Variants in EMILIN1 observed in about 807,000 individuals in gnomAD.
EMILIN1 encodes the protein elastin microfibril interfacer 1.
A neutral mutation model predicts 82.4 loss-of-function variants in EMILIN1; 49 were observed. The observed-to-expected ratio is 0.59, with a 90% CI of 0.47 to 0.75. The LOEUF (loss-of-function observed/expected upper bound fraction) is 0.75, where lower values mean the gene tolerates loss of function less well. EMILIN1 is among the 30% of genes least tolerant of loss of function. EMILIN1 has a pLI of 0.00. For synonymous variants in EMILIN1, 604 were observed against 602.2 expected (o/e 1.00, Z -0.04); for missense variants, 1,313 against 1,366.4 (o/e 0.96, Z 0.62).
intron 7 of EMILIN1, 113 bp from the exon 8 acceptor site, chr2:27,085,565 C>G (rs1028703362): frequency 2.1e-5 from 23 of 1,086,004 alleles, no homozygotes; most frequent in Non-Finnish European, 3.1e-5. Context: ...CAGTTCCCTG[C>G]CGCTCACATT....
intron 7 of EMILIN1, 71 bp from the exon 8 acceptor site, chr2:27,085,607 C>T (rs1359813086): frequency 1.4e-6 from 2 of 1,412,646 alleles, no homozygotes; most frequent in East Asian, 4.6e-5. Flanking sequence ...GAGGGTCCCT[C>T]CTCAGTCCAG....
chr2:27,085,670 G>C lies in EMILIN1; in HGVS notation c.2714-8G>C. 1 of 1,588,162 alleles carries C rather than the reference G, an allele frequency of 6.3e-7. No individual in the cohort carries two copies. ...CCTGGCCCCCCTGACTGCTATCCTTGTCCCCAGGCGTGTTCACAGCGCCAC... is the reference window on the plus strand; with the variant it reads ...CCTGGCCCCCCTGACTGCTATCCTTCTCCCCAGGCGTGTTCACAGCGCCAC... On this transcript the variant is annotated splice_region_variant and splice_polypyrimidine_tract_variant and intron_variant, in intron 7 of 7. Coordinates refer to ENST00000380320, the MANE Select transcript of EMILIN1 (RefSeq NM_007046.4).
Position 27,085,759 on chromosome 2 carries a change from T to A in EMILIN1, c.2795T>A (p.Val932Glu). Residue 932 changes from valine to glutamate, a missense_variant, in exon 8 of 8, where the codon GTG (valine) becomes GAG (glutamate). Transcript: ENST00000380320. ...CACCGGCACGAGAAAGTGGAGGCCG[T>A]GCTGTCCCGCTCCAACCAGGGCGTG... The part of the protein sequence containing the change: ...TGHRHEKVEA[V>E]LSRSNQGVAR... 1.2e-6 allele frequency: 2 copies of A among 1,612,650 alleles called. No individual in the cohort carries two copies. The highest frequency in any genetic ancestry group is 1.7e-6 in the Non-Finnish European group (2 of 1,179,756).
At chr2:27,080,092 G>A in intron 1 of EMILIN1, 59 bp from the exon 2 acceptor site, 5 of 1,598,210 alleles carry the variant, frequency 3.1e-6, no homozygotes, top group Non-Finnish European at 4.3e-6. Context: ...GTAGCCCCTG[G>A]GCCCTCCTCC....
rs1191393810 is a variant in EMILIN1 at position 27,082,764 on chromosome 2, C to T, written c.1193C>T (p.Pro398Leu). ...GCCGCGGGGCAGGGAGGCCACCCCC[C>T]AGGCTACACCAGCTTGGCCTCCCGC... ...GGAAGQGGHP[P>L]GYTSLASRLS... The change falls in exon 4 of 8, where the codon CCA becomes CTA. Residue 398 changes from proline to leucine, a missense_variant. Coordinates refer to ENST00000380320, the MANE Select transcript of EMILIN1 (RefSeq NM_007046.4). The T allele has an allele frequency of 1.3e-6, 2 of 1,539,374 alleles. No homozygotes were observed. The highest frequency in any genetic ancestry group is 2.7e-5 in the African/African-American group (2 of 73,516).
chr2:27,081,983 G>T, intron 3 of EMILIN1, 100 bp from the exon 4 acceptor site: 1 of 1,411,150 alleles, frequency 7.1e-7, no homozygotes. Flanking sequence ...AGGAGAGGCA[G>T]AGCCAGCCTG....
intron 5 of EMILIN1, among the ~76,000 whole-genome samples, 168 bp downstream of exon 5, chr2:27,084,699 T>C (rs1204121879): frequency 6.6e-6 from 1 of 152,238 alleles, no homozygotes; most frequent in Non-Finnish European, 1.5e-5. Flanking sequence ...GGAACTGTGA[T>C]AGTCACTGTG....
rs1422272337 is a variant in EMILIN1, at chr2:27,080,314, C to T, written c.290+44C>T. ...CAACGGGCCCTTGGTGGGAACTGGG[C>T]GAGGGCAGATGGTGGGTGGCTGACT... On this transcript the variant is annotated intron_variant, in intron 2 of 7. Coordinates refer to ENST00000380320, the MANE Select transcript of EMILIN1 (RefSeq NM_007046.4). 36 of 1,606,238 alleles carry T rather than the reference C, an allele frequency of 2.2e-5. No homozygotes were observed. Among genetic ancestry groups the T allele is most frequent in the African/African-American group, 9.4e-5 (7 of 74,776 alleles).
rs752245751 is a variant in EMILIN1 at position 27,079,062 on chromosome 2, C to T, written c.-4C>T. ...CTCTGAGGGCCACTGTGGAGCGCCC[C>T]GCCATGGCCCCCCGCACCCTCTGGA... On this transcript the variant is annotated 5_prime_UTR_variant, in exon 1 of 8. Coordinates refer to ENST00000380320, the MANE Select transcript of EMILIN1 (RefSeq NM_007046.4). The T allele has an allele frequency of 5.2e-6, 8 of 1,550,508 alleles. 1 individual carries two copies. Among genetic ancestry groups the T allele is most frequent in the Middle Eastern group, 1.8e-4 (1 of 5,588 alleles).
At chr2:27,081,416 G>A (rs1241032000) in intron 3 of EMILIN1, among the ~76,000 whole-genome samples, 1 of 152,152 alleles carries the variant, frequency 6.6e-6, no homozygotes, top group Non-Finnish European at 1.5e-5. Flanking sequence ...GCATGCAGCA[G>A]TTCCTGTGGC....
rs1669524108 is a variant in EMILIN1, at chr2:27,083,464, G to C, written c.1893G>C (p.Val631=). The change falls in exon 4 of 8, where the codon GTG becomes GTC. Residue 631 remains valine, a synonymous_variant. Coordinates refer to ENST00000380320, the MANE Select transcript of EMILIN1 (RefSeq NM_007046.4). ...GTGGGCCCCTGGACGGCTTCAGCGT[G>C]TTTGGGGGCAGCTCAGGCTCAGCCC... ...PSRGPLDGFS[V]FGGSSGSALQ... 3 of 1,613,034 alleles carry C rather than the reference G, an allele frequency of 1.9e-6. No individual in the cohort carries two copies. Among genetic ancestry groups the C allele is most frequent in the Non-Finnish European group, 2.5e-6 (3 of 1,179,776 alleles).
rs1025098049 is a variant in EMILIN1, at chr2:27,083,868, A to C, written c.2297A>C (p.Asn766Thr). 2 of 1,608,142 alleles carry C rather than the reference A, an allele frequency of 1.2e-6. No individual in the cohort carries two copies. Among genetic ancestry groups the C allele is most frequent in the Non-Finnish European group, 1.7e-6 (2 of 1,175,770 alleles). ...CTCTGGGCTGGGCTCCGGGAAACCA[A>C]CACCACCAGCCAGATGCAGGCAGCC... The part of the protein sequence containing the change: ...AGLWAGLRET[N>T]TTSQMQAALL... The change falls in exon 4 of 8, where the codon AAC (asparagine) becomes ACC (threonine). Residue 766 changes from asparagine to threonine, a missense_variant. Transcript: ENST00000380320.
In EMILIN1 at chr2:27,085,832, G is replaced by A. The variant is rs556877772; in HGVS notation, c.2868G>A (p.Lys956=). 2.5e-6 allele frequency: 4 copies of A among 1,611,264 alleles called. No homozygotes were observed. Among genetic ancestry groups the A allele is most frequent in the African/African-American group, 1.3e-5 (1 of 75,034 alleles). Residue 956 remains lysine (K), a synonymous_variant, in exon 8 of 8, where the codon AAG becomes AAA. Transcript: ENST00000380320. The part of the protein sequence containing the change: ...GGYEPEGLEN[K]PVAESQPSPG... Reference sequence around the variant, plus strand: ...ACGAGCCTGAGGGCCTGGAGAATAAGCCGGTGGCCGAGAGCCAGCCCAGCC... The same window carrying A: ...ACGAGCCTGAGGGCCTGGAGAATAAACCGGTGGCCGAGAGCCAGCCCAGCC...
chr2:27,080,241 G>C lies in EMILIN1; in HGVS notation c.261G>C (p.Trp87Cys). The C allele has an allele frequency of 6.2e-7, 1 of 1,614,136 alleles. No homozygotes were observed. Among genetic ancestry groups the C allele is most frequent in the East Asian group, 2.2e-5 (1 of 44,876 alleles). ...ETYVKYQPCA[W>C]GQPQCPQSIM... ...ATGTCAAGTACCAGCCTTGTGCCTG[G>C]GGCCAGCCCCAGTGTCCCCAAAGCA... Residue 87 changes from tryptophan to cysteine, a missense_variant, in exon 2 of 8, where the codon TGG becomes TGC. Coordinates refer to ENST00000380320, the MANE Select transcript of EMILIN1 (RefSeq NM_007046.4).
chr2:27,086,018 T>C lies in EMILIN1; in HGVS notation c.*3T>C. The C allele has an allele frequency of 2.1e-6, 3 of 1,435,524 alleles. No homozygotes were observed. Among genetic ancestry groups the C allele is most frequent in the Non-Finnish European group, 2.8e-6 (3 of 1,085,886 alleles). 88.9% of individuals were successfully genotyped at this position (1,435,524 alleles called of 1,614,324 possible). A position where few individuals can be genotyped will look rare whatever the true frequency, so the allele number is the denominator to read the frequency against. On this transcript the variant is annotated 3_prime_UTR_variant, in exon 8 of 8. Coordinates refer to ENST00000380320, the MANE Select transcript of EMILIN1 (RefSeq NM_007046.4). ...ACCCAGAGCTTGAACACGCGTAGAC[T>C]GGGGTCCCGCCCGACGTGTCTACGT...
chr2:27,082,513 G>A lies in EMILIN1; in HGVS notation c.942G>A (p.Arg314=). ...TGGCCGGGCTAGATGGCTTCCGCCGGCAGCAGCAGGAGGACAGGGAGCGGC... is the reference window on the plus strand; with the variant it reads ...TGGCCGGGCTAGATGGCTTCCGCCGACAGCAGCAGGAGGACAGGGAGCGGC... ...VCLAGLDGFR[R]QQQEDRERLR... is the part of the protein sequence containing the mutation. Residue 314 remains arginine (R), a synonymous_variant, in exon 4 of 8, where the codon CGG becomes CGA. Coordinates refer to ENST00000380320, the MANE Select transcript of EMILIN1 (RefSeq NM_007046.4). 1 of 1,545,562 alleles carries A rather than the reference G, an allele frequency of 6.5e-7. No homozygotes were observed. The highest frequency in any genetic ancestry group is 8.7e-7 in the Non-Finnish European group (1 of 1,145,728).
chr2:27,081,223 A>G lies in EMILIN1; in HGVS notation c.511+271A>G, dbSNP rs1572845532. Reference sequence around the variant, plus strand: ...AGACTGAGAAAAAGAAGGCCAAAAAAGAGAAGGTGCTCGCACACGCCCCAT... The same window carrying G: ...AGACTGAGAAAAAGAAGGCCAAAAAGGAGAAGGTGCTCGCACACGCCCCAT... On this transcript the variant is annotated intron_variant, in intron 3 of 7. Coordinates refer to ENST00000380320, the MANE Select transcript of EMILIN1 (RefSeq NM_007046.4). Among the ~76,000 whole-genome samples the G allele has an allele frequency of 3.3e-5, 5 of 152,242 alleles. No homozygotes were observed. The East Asian group carries it at 5.8e-4, about 18-fold the overall frequency.
chr2:27,078,838 G>A lies in EMILIN1; in HGVS notation c.-228G>A, dbSNP rs1669422139. 11 of 470,898 alleles carry A rather than the reference G, an allele frequency of 2.3e-5. No individual in the cohort carries two copies. The South Asian group carries it at 2.9e-4, about 12-fold the overall frequency. The allele number at this position is 470,898 out of a possible 1,614,324, so 29.2% of individuals were successfully genotyped here. ...CCCCCTCAGAAGTGAAGAGGAGAGC[G>A]GAAGGAACCGAGAGGGGACGGACAG... On this transcript the variant is annotated 5_prime_UTR_variant, in exon 1 of 8. Transcript: ENST00000380320.
intron 3 of EMILIN1, among the ~76,000 whole-genome samples, chr2:27,081,454 C>T (rs568559485): frequency 1.7e-4 from 26 of 152,162 alleles, no homozygotes; most frequent in Admixed American, 1.6e-3. Context: ...TGCTGCACAC[C>T]GGATGTGCTG....
Sources: allele counts gnomAD v4.1 joint callset (sites outside exome capture counted in the v4.1 genomes callset), GRCh38; gene constraint gnomAD v4.1.1; transcripts MANE v1.5; gene names NCBI Gene and HGNC (gene_info 2026-07-23, HGNC 2026-07-21).